The following UBTF variants were observed in gnomAD, a reference collection of about 807,000 sequenced individuals.
UBTF encodes the protein nucleolar transcription factor 1.
Under a neutral mutation model 112.3 loss-of-function variants are expected in UBTF, and 8 were observed. The ratio of observed to expected loss-of-function variants is 0.07; its 90% CI spans 0.04 to 0.13. UBTF has a LOEUF of 0.13. Among genes scored for constraint, UBTF ranks in the 10% least tolerant of loss-of-function variants. The pLI is 1.00. For synonymous variants in UBTF, 417 were observed against 373.1 expected (o/e 1.12, Z -1.36); for missense variants, 457 against 982.1 (o/e 0.47, Z 7.15).
chr17:44,215,859 G>A, intron 4 of UBTF, 47 bp downstream of exon 4: 1 of 1,613,972 alleles, frequency 6.2e-7, no homozygotes, highest in South Asian at 1.1e-5. Context: ...TCCCTTCTTT[G>A]GACCTTTCCT....
intron 5 of UBTF, among the ~76,000 whole-genome samples, chr17:44,213,997 A>C: frequency 3.5e-5 from 5 of 142,586 alleles, no homozygotes; most frequent in Non-Finnish European, 4.6e-5. Context: ...CCCCACTCTC[A>C]CCTCACTCCC....
rs3213650 is a variant in UBTF at position 44,218,289 on chromosome 17, A to T, written c.-60T>A. 353 of 1,586,420 alleles carry T rather than the reference A, an allele frequency of 2.2e-4. 2 individuals are homozygous for T. The East Asian group carries it at 7.9e-3, about 35-fold the overall frequency. On this transcript the variant is annotated 5_prime_UTR_variant, in exon 2 of 21. Transcript: ENST00000436088. Reference sequence around the variant, plus strand: ...GGCCGGGCAACCCGGGGTCAAAGCCACCTCACCCTTTGGAAGACATACCAG... The same window carrying T: ...GGCCGGGCAACCCGGGGTCAAAGCCTCCTCACCCTTTGGAAGACATACCAG...
rs1424490260 is a variant in UBTF at position 44,209,712 on chromosome 17, C to A, written c.1648G>T (p.Ala550Ser). Reference protein sequence around the residue: ...RYERELSEMRAPPAATNSSKK... With the variant: ...RYERELSEMRSPPAATNSSKK... The stretch of plus-strand genomic sequence containing the variant: ...GAAGAATTTGTAGCAGCTGGAGGTG[C>A]CCGCATCTCACTCAGCTCTCTCTGG... The change falls in exon 16 of 21, where the codon GCA becomes TCA. Residue 550 changes from alanine (A) to serine (S), a missense_variant. By Grantham distance (99) the Ala-to-Ser change is moderately conservative (BLOSUM62 1). This residue lies in a region of UBTF where 77 missense variants were observed against 211.9 expected (regional missense o/e 0.36). Coordinates refer to ENST00000436088, the MANE Select transcript of UBTF (RefSeq NM_014233.4). 2 of 1,614,036 alleles carry A rather than the reference C, an allele frequency of 1.2e-6. No individual in the cohort carries two copies. Among genetic ancestry groups the A allele is most frequent in the African/African-American group, 2.7e-5 (2 of 74,912 alleles).
intron 1 of UBTF, chr17:44,218,548 C>G (rs1433188353): frequency 3.3e-6 from 1 of 298,528 alleles, no homozygotes; most frequent in Non-Finnish European, 6.0e-6. Flanking sequence ...TCCTAGCTCC[C>G]GCGTGCAGCG....
chr17:44,216,343 A>G (rs1306006599), intron 3 of UBTF, 186 bp downstream of exon 3: 3 of 698,172 alleles, frequency 4.3e-6, no homozygotes, highest in African/African-American at 3.6e-5. Flanking sequence ...AGAAAGTGGC[A>G]TAACTTTAAG....
chr17:44,213,066 T>C, intron 6 of UBTF, 127 bp from the exon 7 acceptor site: 2 of 1,537,476 alleles, frequency 1.3e-6, no homozygotes, highest in South Asian at 1.2e-5. Flanking sequence ...GCTGCCTGCC[T>C]GTCTCTGTCC....
upstream of UBTF, among the ~76,000 whole-genome samples, chr17:44,220,364 C>T (rs1375489455): frequency 2.0e-5 from 3 of 152,100 alleles, no homozygotes; most frequent in East Asian, 5.8e-4. Flanking sequence ...CTCTCTCCCG[C>T]CTCCCGGAGC....
chr17:44,209,283 C>A, intron 17 of UBTF, 69 bp downstream of exon 17: 1 of 1,487,002 alleles, frequency 6.7e-7, no homozygotes, highest in Non-Finnish European at 9.0e-7. Context: ...GGTGGATGGG[C>A]CAGGCTAGGA....
At position 44,209,737 on chromosome 17, in the gene UBTF, G is replaced by C; in HGVS notation, c.1627-4C>G. 1 of 1,613,986 alleles carries C rather than the reference G, an allele frequency of 6.2e-7. No homozygotes were observed. Among genetic ancestry groups the C allele is most frequent in the Non-Finnish European group, 8.5e-7 (1 of 1,179,970 alleles). ...CCCGCATCTCACTCAGCTCTCTCTG[G>C]AGGGAGAAAGGTCACGCTCACCCCC... On this transcript the variant is annotated splice_region_variant and splice_polypyrimidine_tract_variant and intron_variant, in intron 15 of 20. Transcript: ENST00000436088.
chr17:44,218,471 C>A, intron 1 of UBTF, 175 bp from the exon 2 acceptor site: 1 of 509,728 alleles, frequency 2.0e-6, no homozygotes, highest in Non-Finnish European at 3.4e-6. Context: ...TCCTCGTGAC[C>A]CCCTCCCCCA....
At chr17:44,218,659 T>TGGAGGGCGGGGGAAGAG (rs1172026962) in intron 1 of UBTF, 29 of 152,884 alleles carry the variant, frequency 1.9e-4, no homozygotes, top group African/African-American at 7.3e-4. Context: ...GGCCCCAGGC[T>TGGAGGGCGGGGGAAGAG]GGAGGGCGGG....
intron 1 of UBTF, 21 bp from the exon 2 acceptor site, chr17:44,218,317 C>T: frequency 6.9e-7 from 1 of 1,451,020 alleles, no homozygotes; most frequent in Non-Finnish European, 9.5e-7. Context: ...CATACCAGTT[C>T]CCACTCAGGA....
Position 44,207,198 on chromosome 17 carries a change from G to C in UBTF, c.*44C>G. 4 of 1,609,978 alleles carry C rather than the reference G, an allele frequency of 2.5e-6. No individual in the cohort carries two copies. The highest frequency in any genetic ancestry group is 3.4e-6 in the Non-Finnish European group (4 of 1,177,866). ...AACAAAGGTGGTCAGTTGGGGAGGG[G>C]AGCTCCTGGGCTCTCCCTGGCTGCC... On this transcript the variant is annotated 3_prime_UTR_variant, in exon 21 of 21. Transcript: ENST00000436088.
intron 3 of UBTF, 106 bp from the exon 4 acceptor site, chr17:44,216,095 A>G: frequency 1.1e-6 from 1 of 925,878 alleles, no homozygotes; most frequent in Non-Finnish European, 1.7e-6. Context: ...TACTAGACTA[A>G]ATTTACCAAA....
chr17:44,213,346 C>T (rs2046673932), intron 5 of UBTF, 64 bp from the exon 6 acceptor site: 1 of 1,525,332 alleles, frequency 6.6e-7, no homozygotes, highest in Admixed American at 1.8e-5. Flanking sequence ...GCTATGAAGG[C>T]CACCCAGACC....
At position 44,210,170 on chromosome 17, in the gene UBTF, T is replaced by C. The variant is rs769472698; in HGVS notation, c.1580A>G (p.Lys527Arg). Reference sequence around the variant, plus strand: ...GGCTGCCTTCTTAATCCACATCAGTTTCTCCTTCTTTTCCATGTTATTCCA... The same window carrying C: ...GGCTGCCTTCTTAATCCACATCAGTCTCTCCTTCTTTTCCATGTTATTCCA... Reference protein sequence around the residue: ...MTWNNMEKKEKLMWIKKAAED... With the variant: ...MTWNNMEKKERLMWIKKAAED... The change falls in exon 15 of 21, where the codon AAA becomes AGA. Residue 527 changes from lysine (K) to arginine (R), a missense_variant. By Grantham distance (26) the Lys-to-Arg change is conservative. Coordinates refer to ENST00000436088, the MANE Select transcript of UBTF (RefSeq NM_014233.4). The C allele has an allele frequency of 6.2e-7, 1 of 1,614,170 alleles. No homozygotes were observed. Among genetic ancestry groups the C allele is most frequent in the Non-Finnish European group, 8.5e-7 (1 of 1,180,026 alleles).
chr17:44,219,194 C>G (rs1187304921), intron 1 of UBTF: 1 of 151,122 alleles, frequency 6.6e-6, no homozygotes, highest in Admixed American at 6.6e-5. Context: ...CTCCGGCGGC[C>G]GGGGAGAACT....
chr17:44,214,473 T>C (rs889266256), intron 5 of UBTF, among the ~76,000 whole-genome samples: 5 of 152,230 alleles, frequency 3.3e-5, no homozygotes, highest in African/African-American at 1.2e-4. Context: ...CAGCACCTTG[T>C]CCACTCTACC....
At chr17:44,209,877 A>C in intron 15 of UBTF, 144 bp from the exon 16 acceptor site, 1 of 902,746 alleles carries the variant, frequency 1.1e-6, no homozygotes, top group Non-Finnish European at 1.7e-6. Context: ...GCAACTTCCT[A>C]ACAGCTCACG....
Sources: gnomAD v4.1 joint callset for allele counts (sites outside exome capture counted in the v4.1 genomes callset) on GRCh38, gnomAD v4.1.1 for gene constraint, gnomAD v4.1.1 regional missense constraint, MANE v1.5 for transcripts, NCBI Gene and HGNC (gene_info 2026-07-23, HGNC 2026-07-21) for gene names.